The following IQCJ variants were observed in gnomAD, a reference collection of about 807,000 sequenced individuals.
The protein encoded by IQCJ is IQ motif containing J.
In IQCJ, 9 loss-of-function variants were observed where a neutral mutation model predicts 11.0. The ratio of observed to expected loss-of-function variants is 0.82; its 90% confidence interval spans 0.49 to 1.43. IQCJ has a LOEUF of 1.43. Ranked by LOEUF, IQCJ falls within the 40% of genes most tolerant of loss-of-function variation. The pLI is 0.00. For synonymous variants in IQCJ, 55 were observed against 51.3 expected, an observed-to-expected ratio of 1.07 and a Z score of -0.31; for missense variants, 146 against 133.2, an observed-to-expected ratio of 1.10 and a Z score of -0.47.
intron 2 of IQCJ, among the ~76,000 whole-genome samples, chr3:159,249,416 C>G (rs1196610829): frequency 6.6e-6 from 1 of 151,880 alleles, no homozygotes. Flanking sequence ...TTTTCAATCC[C>G]GATTGAGGAA....
At chr3:159,116,183 A>G (rs1298051948) in intron 1 of IQCJ, among the ~76,000 whole-genome samples, 1 of 152,092 alleles carries the variant, frequency 6.6e-6, no homozygotes, top group Non-Finnish European at 1.5e-5. Flanking sequence ...GTAGTAAGCC[A>G]TGTTAGTGCC....
intron 2 of IQCJ, 131 bp downstream of exon 2, chr3:159,246,038 A>G: frequency 1.5e-6 from 1 of 664,690 alleles, no homozygotes; most frequent in Non-Finnish European, 2.5e-6. Context: ...GAGCCCAGAA[A>G]TGTGGCTCAT....
chr3:159,262,127 A>C (rs1728247042), intron 3 of IQCJ, among the ~76,000 whole-genome samples: 1 of 152,250 alleles, frequency 6.6e-6, no homozygotes, highest in Admixed American at 6.5e-5. Flanking sequence ...CCTGGCACAG[A>C]ATGGCCCCTC....
At chr3:159,256,226 T>C (rs1174203620) in intron 3 of IQCJ, among the ~76,000 whole-genome samples, 1 of 152,228 alleles carries the variant, frequency 6.6e-6, no homozygotes, top group Non-Finnish European at 1.5e-5. Context: ...AACATAGAGA[T>C]GTATTGAATA....
chr3:159,105,243 A>G (rs879355529), intron 1 of IQCJ, among the ~76,000 whole-genome samples: 1 of 152,186 alleles, frequency 6.6e-6, no homozygotes, highest in Non-Finnish European at 1.5e-5. Context: ...CTGACTCTGT[A>G]TGGTCATATT....
chr3:159,106,416 G>C (rs1173595079), intron 1 of IQCJ, among the ~76,000 whole-genome samples: 2 of 152,082 alleles, frequency 1.3e-5, no homozygotes, highest in African/African-American at 2.4e-5. Context: ...CTAGAGAAGA[G>C]AGTGGAGGGC....
At chr3:159,225,955 AC>A (rs1464122026) in intron 1 of IQCJ, among the ~76,000 whole-genome samples, 5 of 152,132 alleles carry the variant, frequency 3.3e-5, no homozygotes, top group African/African-American at 1.2e-4. Flanking sequence ...GAAACACTTT[AC>A]TTACTATTAT....
intron 1 of IQCJ, among the ~76,000 whole-genome samples, chr3:159,244,355 A>G (rs1481559913): frequency 2.0e-5 from 3 of 152,106 alleles, no homozygotes; most frequent in African/African-American, 4.8e-5. Flanking sequence ...GAAAACAGCA[A>G]TGAGGAGCAA....
intron 1 of IQCJ, among the ~76,000 whole-genome samples, chr3:159,178,877 G>C (rs562725079): frequency 1.5e-4 from 23 of 152,254 alleles, no homozygotes; most frequent in African/African-American, 5.1e-4. Flanking sequence ...TGAGTCTTCT[G>C]ATCAGGGCAC....
At chr3:159,118,244 G>T (rs1501282) in intron 1 of IQCJ, among the ~76,000 whole-genome samples, 53,699 of 151,862 alleles carry the variant, frequency 0.35, 9,711 homozygotes, top group East Asian at 0.53. Context: ...GGAGAAGGGA[G>T]ATGACTTACA....
intron 1 of IQCJ, among the ~76,000 whole-genome samples, chr3:159,113,589 T>C (rs961371421): frequency 6.6e-6 from 1 of 152,238 alleles, no homozygotes. Flanking sequence ...AGTTCAAAGA[T>C]AGCTCTGCCC....
At chr3:159,162,779 A>G (rs1435976533) in intron 1 of IQCJ, among the ~76,000 whole-genome samples, 1 of 152,248 alleles carries the variant, frequency 6.6e-6, no homozygotes, top group Non-Finnish European at 1.5e-5. Context: ...CTACCGTCAG[A>G]GAATACTACA....
At chr3:159,186,603 C>T (rs1723383983) in intron 1 of IQCJ, among the ~76,000 whole-genome samples, 1 of 152,168 alleles carries the variant, frequency 6.6e-6, no homozygotes, top group African/African-American at 2.4e-5. Flanking sequence ...AAGGAGACAG[C>T]CATTACTTTT....
chr3:159,265,002 AT>A (rs1410024751), downstream of IQCJ, among the ~76,000 whole-genome samples: 2 of 152,210 alleles, frequency 1.3e-5, no homozygotes, highest in African/African-American at 4.8e-5. Flanking sequence ...AATAGAAGTT[AT>A]TGATTATAAC....
intron 2 of IQCJ, among the ~76,000 whole-genome samples, chr3:159,246,119 A>G (rs1727256927): frequency 6.6e-6 from 1 of 152,138 alleles, no homozygotes; most frequent in South Asian, 2.1e-4. Context: ...TAACAGAGTA[A>G]TATGATGCCT....
chr3:159,141,708 T>G (rs1176584856), intron 1 of IQCJ, among the ~76,000 whole-genome samples: 4 of 152,086 alleles, frequency 2.6e-5, no homozygotes, highest in African/African-American at 9.6e-5. Context: ...TGTATGATTT[T>G]GATAAGTAAG....
At chr3:159,172,858 C>A (rs1722566349) in intron 1 of IQCJ, among the ~76,000 whole-genome samples, 2 of 152,062 alleles carry the variant, frequency 1.3e-5, no homozygotes, top group Admixed American at 6.6e-5. Context: ...ATTCACTATG[C>A]CTTCAATATC....
chr3:159,175,655 G>T (rs1722751733), intron 1 of IQCJ, among the ~76,000 whole-genome samples: 1 of 151,944 alleles, frequency 6.6e-6, no homozygotes, highest in Non-Finnish European at 1.5e-5. Context: ...CATTCAGGTT[G>T]TTTCGTATAT....
At chr3:159,163,945 G>T (rs758278504) in intron 1 of IQCJ, among the ~76,000 whole-genome samples, 5 of 152,150 alleles carry the variant, frequency 3.3e-5, no homozygotes, top group Non-Finnish European at 7.3e-5. Context: ...TAATTACATG[G>T]TGATTAACTG....
Sources: gnomAD v4.1 joint callset for allele counts (sites outside exome capture counted in the v4.1 genomes callset) on GRCh38, gnomAD v4.1.1 for gene constraint, MANE v1.5 for transcripts, NCBI Gene and HGNC (gene_info 2026-07-23, HGNC 2026-07-21) for gene names.